Variants in KCNMA1 observed in about 807,000 individuals in gnomAD.
The protein encoded by KCNMA1 is Calcium-activated potassium channel subunit alpha-1.
In KCNMA1, 29 loss-of-function variants were observed where a neutral mutation model predicts 140.0. That is an observed-to-expected ratio of 0.21 (90% confidence interval 0.15 to 0.28). KCNMA1 has a LOEUF of 0.28. KCNMA1 is among the 10% of genes least tolerant of loss of function. KCNMA1 has a pLI of 1.00. For missense variants in KCNMA1, 880 were observed against 1,602.2 expected (o/e 0.55, Z 7.70); for synonymous variants, 612 against 611.9 (o/e 1.00, Z 0.00).
At chr10:76,932,514 G>T (rs2059524587) in intron 23 of KCNMA1, among the ~76,000 whole-genome samples, 1 of 152,182 alleles carries the variant, frequency 6.6e-6, no homozygotes, top group Non-Finnish European at 1.5e-5. Flanking sequence ...TGACTGCAAA[G>T]TGCTATTTCT....
In KCNMA1 at chr10:77,627,372, G is replaced by T. The variant is rs1298370330; in HGVS notation, c.378+9893C>A. 2.6e-5 allele frequency among the ~76,000 whole-genome samples: 4 copies of T among 152,288 alleles called. No homozygotes were observed. In the East Asian group the frequency reaches 7.7e-4, roughly 29 times the overall value. On this transcript the variant is annotated intron_variant, in intron 1 of 27. Transcript: ENST00000286628. ...CAAGGCACGTGACATTGATAAGGAG[G>T]TGAATTTATGGCCCAGCAACAGTCA...
intron 2 of KCNMA1, among the ~76,000 whole-genome samples, chr10:77,282,562 TA>T (rs1294222289): frequency 6.6e-6 from 1 of 152,186 alleles, no homozygotes; most frequent in African/African-American, 2.4e-5. Flanking sequence ...GTTAAACTCA[TA>T]AACTGTGGGA....
At chr10:77,174,966 G>A (rs1262263169) in intron 5 of KCNMA1, among the ~76,000 whole-genome samples, 2 of 152,152 alleles carry the variant, frequency 1.3e-5, no homozygotes, top group African/African-American at 4.8e-5. Flanking sequence ...TGAACATGAA[G>A]AGTTTTAAAA....
chr10:76,948,901 T>G lies in KCNMA1; in HGVS notation c.2709+241A>C, dbSNP rs943107495. 8.7e-6 allele frequency: 5 copies of G among 576,902 alleles called. No individual in the cohort carries two copies. In the African/African-American group the frequency reaches 9.4e-5, roughly 11 times the overall value. 35.7% of individuals were successfully genotyped at this position (576,902 alleles called of 1,614,324 possible). A position where few individuals can be genotyped will look rare whatever the true frequency, so the allele number is the denominator to read the frequency against. ...TTAGACGCTGATATGGTTAATATACTTGATACAAGCTAAACTTCATCCCTG... is the reference window on the plus strand; with the variant it reads ...TTAGACGCTGATATGGTTAATATACGTGATACAAGCTAAACTTCATCCCTG... On this transcript the variant is annotated intron_variant, in intron 22 of 27. Transcript: ENST00000286628.
At chr10:76,956,952 C>G (rs142208186) in intron 20 of KCNMA1, among the ~76,000 whole-genome samples, 104 of 151,790 alleles carry the variant, frequency 6.9e-4, no homozygotes, top group Middle Eastern at 3.4e-3. Flanking sequence ...GAAACCCCAT[C>G]TCTATTAAAA....
At position 77,178,314 on chromosome 10, in the gene KCNMA1, C is replaced by T. The variant is rs1377001282; in HGVS notation, c.808+5107G>A. Among the ~76,000 whole-genome samples the T allele has an allele frequency of 5.9e-5, 9 of 152,166 alleles. No individual in the cohort carries two copies. In the South Asian group the frequency reaches 1.2e-3, roughly 21 times the overall value. ...TCCTCTCATCCCAGTGCTGAGCACA[C>T]AGTAGGTAATAAAAATGGGCTAGAA... On this transcript the variant is annotated intron_variant, in intron 5 of 27. Transcript: ENST00000286628.
chr10:77,335,693 T>C (rs1184764203), intron 2 of KCNMA1, among the ~76,000 whole-genome samples: 1 of 151,818 alleles, frequency 6.6e-6, no homozygotes, highest in Admixed American at 6.6e-5. Flanking sequence ...GCACTCAGCA[T>C]CACTTTATGT....
At chr10:77,093,078 A>T (rs1392049751) in intron 9 of KCNMA1, among the ~76,000 whole-genome samples, 1 of 152,186 alleles carries the variant, frequency 6.6e-6, no homozygotes, top group Non-Finnish European at 1.5e-5. Context: ...GAAGTAGACA[A>T]ATGCTGGCAA....
At chr10:77,378,239 G>GTGAAACCTC (rs2095247693) in intron 2 of KCNMA1, among the ~76,000 whole-genome samples, 2 of 152,222 alleles carry the variant, frequency 1.3e-5, no homozygotes, top group Non-Finnish European at 2.9e-5. Flanking sequence ...GTTTCATGGG[G>GTGAAACCTC]ACCCAGGTGA....
At chr10:77,586,834 C>G (rs2077389361) in intron 1 of KCNMA1, among the ~76,000 whole-genome samples, 1 of 152,162 alleles carries the variant, frequency 6.6e-6, no homozygotes, top group African/African-American at 2.4e-5. Flanking sequence ...CCTAACTCAG[C>G]CCTCACTATT....
intron 25 of KCNMA1, among the ~76,000 whole-genome samples, chr10:76,906,705 G>A (rs2047967240): frequency 2.0e-5 from 3 of 152,218 alleles, no homozygotes; most frequent in Admixed American, 1.3e-4. Context: ...GTTTGGAGGA[G>A]TCTCACTTTC....
At chr10:77,063,902 C>T (rs1015258699) in intron 14 of KCNMA1, 2 of 985,306 alleles carry the variant, frequency 2.0e-6, no homozygotes, top group African/African-American at 3.5e-5. Context: ...TGGCCAGAGG[C>T]TTGTTCAATA....
At chr10:77,486,282 T>C (rs753704706) in intron 1 of KCNMA1, among the ~76,000 whole-genome samples, 3 of 152,092 alleles carry the variant, frequency 2.0e-5, no homozygotes, top group Non-Finnish European at 4.4e-5. Flanking sequence ...CACCACCAAG[T>C]AGAGCAGGAC....
chr10:77,215,441 CTG>C (rs2047434344), intron 3 of KCNMA1, among the ~76,000 whole-genome samples: 2 of 142,500 alleles, frequency 1.4e-5, no homozygotes, highest in African/African-American at 5.1e-5. Flanking sequence ...CTCCTCTAGA[CTG>C]TGTTCCCTGA....
intron 23 of KCNMA1, chr10:76,939,591 A>G (rs1288397696): frequency 6.6e-6 from 1 of 152,242 alleles, no homozygotes; most frequent in African/African-American, 2.4e-5. Context: ...GCTGAATCCA[A>G]GCAACCTTTG....
intron 18 of KCNMA1, among the ~76,000 whole-genome samples, chr10:77,005,437 G>A (rs1053843970): frequency 6.6e-6 from 1 of 152,202 alleles, no homozygotes. Context: ...GCAGACAAGA[G>A]TGTGTCTCTG....
chr10:77,146,396 G>A lies in KCNMA1; in HGVS notation c.809-25348C>T, dbSNP rs546287209. ...ATATGAAACCTGAATGTCTATGACT[G>A]CATGTAAAAAATAAAGATGAGAAGC... On this transcript the variant is annotated intron_variant, in intron 5 of 27. Coordinates refer to ENST00000286628, the MANE Select transcript of KCNMA1 (RefSeq NM_001161352.2). Among the ~76,000 whole-genome samples the A allele has an allele frequency of 9.2e-5, 14 of 152,198 alleles. No individual in the cohort carries two copies. The South Asian group carries it at 2.7e-3, about 29-fold the overall frequency.
chr10:77,110,383 C>G (rs908255895), intron 7 of KCNMA1, 40 bp from the exon 8 acceptor site: 12 of 1,559,144 alleles, frequency 7.7e-6, no homozygotes, highest in Non-Finnish European at 1.1e-5. Context: ...GAAAAACATG[C>G]TATTGAAGTG....
At chr10:76,980,027 A>T (rs2078949185) in intron 19 of KCNMA1, 1 of 152,198 alleles carries the variant, frequency 6.6e-6, no homozygotes, top group Non-Finnish European at 1.5e-5. Flanking sequence ...CTTTATCTGT[A>T]TGCTATCATA....
Sources: gnomAD v4.1 joint callset for allele counts (sites outside exome capture counted in the v4.1 genomes callset) on GRCh38, gnomAD v4.1.1 for gene constraint, MANE v1.5 for transcripts, NCBI Gene and HGNC (gene_info 2026-07-23, HGNC 2026-07-21) for gene names.